Variants in KCNH1 observed in about 807,000 individuals in gnomAD.
KCNH1 encodes the protein voltage-gated delayed rectifier potassium channel KCNH1.
KCNH1 carries 27 observed loss-of-function variants against 69.2 expected under a neutral mutation model. That is an observed-to-expected ratio of 0.39 (90% CI 0.29 to 0.54). The LOEUF is 0.54. Ranked by LOEUF, KCNH1 falls within the 20% of genes least tolerant of loss-of-function variation. The pLI is 0.68. For missense variants in KCNH1, 798 were observed against 1,261.6 expected, an observed-to-expected ratio of 0.63 and a Z score of 5.57; for synonymous variants, 456 against 487.7, an observed-to-expected ratio of 0.93 and a Z score of 0.86.
At chr1:210,966,332 T>G (rs1226377971) in intron 6 of KCNH1, among the ~76,000 whole-genome samples, 1 of 152,118 alleles carries the variant, frequency 6.6e-6, no homozygotes, top group Non-Finnish European at 1.5e-5. Context: ...GGGCAAAGAC[T>G]TCATGACTAA....
chr1:211,107,121 G>T (rs1691360684), intron 2 of KCNH1, 133 bp downstream of exon 2: 1 of 919,432 alleles, frequency 1.1e-6, no homozygotes, highest in Non-Finnish European at 1.7e-6. Flanking sequence ...AACTAGAGAT[G>T]ATATGGCAAT....
chr1:210,694,708 A>G (rs1462026101), intron 10 of KCNH1, among the ~76,000 whole-genome samples: 1 of 152,200 alleles, frequency 6.6e-6, no homozygotes, highest in African/African-American at 2.4e-5. Flanking sequence ...TTCTTTGACC[A>G]AACCTAAATT....
intron 5 of KCNH1, among the ~76,000 whole-genome samples, chr1:211,078,293 C>T (rs2102463471): frequency 6.6e-6 from 1 of 152,288 alleles, no homozygotes; most frequent in East Asian, 1.9e-4. Flanking sequence ...CAGAACTCTC[C>T]ACCCCAAATC....
intron 5 of KCNH1, among the ~76,000 whole-genome samples, chr1:211,062,377 G>A (rs2102450724): frequency 6.6e-6 from 1 of 152,110 alleles, no homozygotes; most frequent in Middle Eastern, 3.4e-3. Flanking sequence ...AGAAACATTG[G>A]GGAAACTCTC....
Position 211,107,400 on chromosome 1 carries a change from A to C in KCNH1, c.80-23T>G, listed in dbSNP as rs750810606. 1.1e-5 allele frequency: 17 copies of C among 1,593,262 alleles called. No individual in the cohort carries two copies. In the African/African-American group the frequency reaches 2.3e-4, roughly 22 times the overall value. ...TATCTGTTAAAAAAAAAAAAAAGGGAAAAAAGGGCACATGAGGCAACACAT... is the reference window on the plus strand; with the variant it reads ...TATCTGTTAAAAAAAAAAAAAAGGGCAAAAAGGGCACATGAGGCAACACAT... On this transcript the variant is annotated intron_variant, in intron 1 of 10. Transcript: ENST00000271751.
In KCNH1 at chr1:210,866,319, T is replaced by TA. The variant is rs201487942; in HGVS notation, c.1462+53320dup. 6.5e-3 allele frequency among the ~76,000 whole-genome samples: 990 copies of TA among 152,054 alleles called. 10 individuals are homozygous for TA. Among genetic ancestry groups the TA allele is most frequent in the African/African-American group, 0.022 (931 of 41,476 alleles). ...ACTGCAAAAGATACCATCAAGCTAG[T>TA]AAAAAATGCAACCCACAGACTCGCA... On this transcript the variant is annotated intron_variant, in intron 7 of 10. Coordinates refer to ENST00000271751, the MANE Select transcript of KCNH1 (RefSeq NM_172362.3).
intron 5 of KCNH1, among the ~76,000 whole-genome samples, chr1:211,079,504 A>G (rs557003688): frequency 6.6e-6 from 1 of 152,270 alleles, no homozygotes; most frequent in South Asian, 2.1e-4. Context: ...GCCTGGCAGA[A>G]ACACAACAAA....
At chr1:210,995,499 C>G (rs753858169) in intron 6 of KCNH1, among the ~76,000 whole-genome samples, 2 of 152,176 alleles carry the variant, frequency 1.3e-5, no homozygotes, top group Non-Finnish European at 2.9e-5. Flanking sequence ...ACACACAACT[C>G]TTAATATTTA....
At chr1:210,877,006 C>T (rs1686389485) in intron 7 of KCNH1, among the ~76,000 whole-genome samples, 1 of 150,526 alleles carries the variant, frequency 6.6e-6, no homozygotes. Context: ...ATAACGAGCT[C>T]ACAGGTACTT....
At chr1:210,780,586 C>T (rs1001512044) in intron 9 of KCNH1, among the ~76,000 whole-genome samples, 2 of 152,110 alleles carry the variant, frequency 1.3e-5, no homozygotes, top group Non-Finnish European at 1.5e-5. Flanking sequence ...GGGTATCCAG[C>T]TCAAGTTCAA....
intron 10 of KCNH1, among the ~76,000 whole-genome samples, chr1:210,713,922 C>T (rs1682145793): frequency 1.3e-5 from 2 of 152,290 alleles, no homozygotes; most frequent in South Asian, 4.2e-4. Flanking sequence ...TAAATCAGAC[C>T]TGTGTCCTGG....
chr1:210,837,371 C>A (rs1558490534), intron 7 of KCNH1, among the ~76,000 whole-genome samples: 1 of 152,116 alleles, frequency 6.6e-6, no homozygotes, highest in Non-Finnish European at 1.5e-5. Context: ...ATTAACTCCC[C>A]AAACTCAGAT....
intron 7 of KCNH1, chr1:210,860,650 T>C: frequency 3.8e-6 from 3 of 783,236 alleles, no homozygotes; most frequent in South Asian, 2.7e-5. Context: ...AAGAAGAGCC[T>C]GCATTACAGG....
chr1:211,108,408 G>GTA (rs1323358054), intron 1 of KCNH1: 1 of 151,650 alleles, frequency 6.6e-6, no homozygotes, highest in Non-Finnish European at 1.5e-5. Flanking sequence ...GTGTGTGTGT[G>GTA]TGTATACACA....
chr1:210,936,054 C>T (rs1355900493), intron 6 of KCNH1, among the ~76,000 whole-genome samples: 1 of 152,234 alleles, frequency 6.6e-6, no homozygotes, highest in Non-Finnish European at 1.5e-5. Flanking sequence ...AAATAACAGT[C>T]ACAGACTGAT....
intron 6 of KCNH1, among the ~76,000 whole-genome samples, chr1:210,941,226 T>G (rs1324764461): frequency 6.6e-6 from 1 of 152,212 alleles, no homozygotes; most frequent in Non-Finnish European, 1.5e-5. Flanking sequence ...GGTAATTCCC[T>G]ATGCAATCGA....
intron 7 of KCNH1, among the ~76,000 whole-genome samples, chr1:210,856,661 C>T (rs1371172740): frequency 6.6e-6 from 1 of 150,746 alleles, no homozygotes; most frequent in East Asian, 2.0e-4. Context: ...AGAGTACCCC[C>T]TCATCCCTGC....
chr1:210,908,586 T>A (rs58544787), intron 7 of KCNH1, among the ~76,000 whole-genome samples: 5,091 of 152,240 alleles, frequency 0.033, 276 homozygotes, highest in African/African-American at 0.12. Context: ...CTGCTGTCAG[T>A]ATGTTCTCTG....
At chr1:210,695,867 C>G (rs1462892333) in intron 10 of KCNH1, among the ~76,000 whole-genome samples, 2 of 152,230 alleles carry the variant, frequency 1.3e-5, no homozygotes, top group African/African-American at 2.4e-5. Context: ...ACTGGCCAGT[C>G]AGTTACCCAG....
Sources: allele counts gnomAD v4.1 joint callset (sites outside exome capture counted in the v4.1 genomes callset), GRCh38; gene constraint gnomAD v4.1.1; transcripts MANE v1.5; gene names NCBI Gene and HGNC (gene_info 2026-07-23, HGNC 2026-07-21).